Variants in EIF2AK3 observed in about 807,000 individuals in gnomAD.
The protein encoded by EIF2AK3 is eukaryotic translation initiation factor 2 alpha kinase 3.
EIF2AK3 carries 50 observed loss-of-function variants against 113.5 expected under a neutral mutation model. The ratio of observed to expected loss-of-function variants is 0.44; its 90% confidence interval spans 0.35 to 0.56. The LOEUF (loss-of-function observed/expected upper bound fraction) is 0.56. EIF2AK3 is among the 20% of genes least tolerant of loss of function. The probability of loss-of-function intolerance (pLI) is 0.00; values close to 1 mark genes in which losing one functional copy is unlikely to be tolerated. For synonymous variants in EIF2AK3, 448 were observed against 495.4 expected (o/e 0.90, Z 1.27); for missense variants, 1,185 against 1,378.0 (o/e 0.86, Z 2.22).
chr2:88,582,130 G>A (rs11898161), intron 10 of EIF2AK3, among the ~76,000 whole-genome samples: 116,688 of 151,990 alleles, frequency 0.77, 45,925 homozygotes, highest in African/African-American at 0.94. Flanking sequence ...TTTGTCTAAG[G>A]GAGAGGAACA....
chr2:88,590,875 A>G lies in EIF2AK3; in HGVS notation c.945T>C (p.Ala315=), dbSNP rs1365971474. 3 of 1,614,002 alleles carry G rather than the reference A, an allele frequency of 1.9e-6. No homozygotes were observed. Among genetic ancestry groups the G allele is most frequent in the Non-Finnish European group, 2.5e-6 (3 of 1,180,002 alleles). The change falls in exon 5 of 17, where the codon GCT becomes GCC. Residue 315 remains alanine, a synonymous_variant. Transcript: ENST00000303236. The stretch of plus-strand genomic sequence containing the variant: ...TACTGAATGCCATAACTTTCCAGTC[A>G]GCAACCGAAACCTTTATCACTATGT... ...IMDIVIKVSV[A]DWKVMAFSKK...
chr2:88,558,176 G>C (rs1034373472), intron 16 of EIF2AK3, among the ~76,000 whole-genome samples: 2 of 152,136 alleles, frequency 1.3e-5, no homozygotes, highest in African/African-American at 4.8e-5. Flanking sequence ...AAAATAGGTG[G>C]CAGGCTGGAT....
At chr2:88,562,167 C>CT in intron 15 of EIF2AK3, 122 bp downstream of exon 15, 1 of 764,942 alleles carries the variant, frequency 1.3e-6, no homozygotes, top group Non-Finnish European at 2.3e-6. Flanking sequence ...CACATCACCT[C>CT]TTTCACTTTT....
At chr2:88,613,198 T>C (rs1268828378) in intron 2 of EIF2AK3, among the ~76,000 whole-genome samples, 1 of 152,190 alleles carries the variant, frequency 6.6e-6, no homozygotes, top group Non-Finnish European at 1.5e-5. Context: ...ATCTATGCTC[T>C]TTCCCCTCTA....
Position 88,590,433 on chromosome 2 carries a change from A to C in EIF2AK3, c.1165+10T>G. 6.2e-7 allele frequency: 1 copy of C among 1,613,266 alleles called. No individual in the cohort carries two copies. Among genetic ancestry groups the C allele is most frequent in the South Asian group, 1.1e-5 (1 of 91,062 alleles). On this transcript the variant is annotated intron_variant, in intron 6 of 16. Transcript: ENST00000303236. ...TGTGTACTATCGTTAGATAAGATAC[A>C]TTTACTCACCCAAGTAAACACTGTT...
chr2:88,575,091 A>C lies in EIF2AK3; in HGVS notation c.2392T>G (p.Ser798Ala). Residue 798 changes from serine to alanine, a missense_variant, in exon 13 of 17, where the codon TCA becomes GCA. Transcript: ENST00000303236. Reference sequence around the variant, plus strand: ...ATTGAAGAGGAGGTTCTCTCCCTTGACCTTACATAAGGAGAAGCTTCAGAA... The same window carrying C: ...ATTGAAGAGGAGGTTCTCTCCCTTGCCCTTACATAAGGAGAAGCTTCAGAA... Reference protein sequence around the residue: ...CPSEASPYVRSRERTSSSIVF... With the variant: ...CPSEASPYVRARERTSSSIVF... 1.2e-6 allele frequency: 2 copies of C among 1,614,196 alleles called. No individual in the cohort carries two copies. The highest frequency in any genetic ancestry group is 1.7e-6 in the Non-Finnish European group (2 of 1,180,038).
intron 2 of EIF2AK3, 129 bp from the exon 3 acceptor site, chr2:88,595,792 C>T: frequency 1.1e-6 from 1 of 929,934 alleles, no homozygotes. Context: ...AGTCTTGATC[C>T]TGATGTACTC....
At chr2:88,564,609 G>A (rs996219996) in intron 14 of EIF2AK3, among the ~76,000 whole-genome samples, 3 of 152,114 alleles carry the variant, frequency 2.0e-5, no homozygotes, top group Non-Finnish European at 1.5e-5. Flanking sequence ...GCACAGAAGT[G>A]TGTATGGGGT....
intron 2 of EIF2AK3, 39 bp downstream of exon 2, chr2:88,613,685 A>G: frequency 6.2e-7 from 1 of 1,612,766 alleles, no homozygotes. Context: ...ACTCATTAGA[A>G]TTAAGTTTTC....
intron 12 of EIF2AK3, chr2:88,575,723 C>T (rs376789090): frequency 2.2e-6 from 1 of 445,294 alleles, no homozygotes; most frequent in African/African-American, 2.0e-5. Context: ...GCCTTTTATG[C>T]AAAGTGAGGA....
chr2:88,573,549 A>C, intron 13 of EIF2AK3, among the ~76,000 whole-genome samples: 1 of 152,284 alleles, frequency 6.6e-6, no homozygotes, highest in East Asian at 1.9e-4. Context: ...AATCCAACCA[A>C]ATAATTCATC....
intron 6 of EIF2AK3, among the ~76,000 whole-genome samples, 178 bp from the exon 7 acceptor site, chr2:88,589,079 G>C (rs1022251400): frequency 6.6e-6 from 1 of 152,086 alleles, no homozygotes; most frequent in Non-Finnish European, 1.5e-5. Context: ...AAAACAGGGA[G>C]GGAAAGTTAC....
intron 1 of EIF2AK3, among the ~76,000 whole-genome samples, chr2:88,624,185 G>A (rs572538753): frequency 3.3e-5 from 5 of 152,198 alleles, no homozygotes; most frequent in Admixed American, 3.3e-4. Context: ...TAGAGATGGG[G>A]TTTCATCATG....
At chr2:88,596,574 G>A (rs1269305693) in intron 2 of EIF2AK3, among the ~76,000 whole-genome samples, 1 of 152,124 alleles carries the variant, frequency 6.6e-6, no homozygotes, top group Non-Finnish European at 1.5e-5. Flanking sequence ...AGAAAGTAAC[G>A]TTTGGGCAAA....
At chr2:88,602,865 C>G (rs192136632) in intron 2 of EIF2AK3, among the ~76,000 whole-genome samples, 4 of 151,844 alleles carry the variant, frequency 2.6e-5, no homozygotes, top group African/African-American at 7.2e-5. Flanking sequence ...GGTTTAAAAC[C>G]TAGATGATGG....
intron 8 of EIF2AK3, 50 bp from the exon 9 acceptor site, chr2:88,586,111 G>C: frequency 7.0e-7 from 1 of 1,434,744 alleles, no homozygotes; most frequent in Non-Finnish European, 9.8e-7. Context: ...TCAAAAATAG[G>C]CCCGTCTTTA....
chr2:88,627,006 G>C lies in EIF2AK3; in HGVS notation c.269C>G (p.Pro90Arg), dbSNP rs1249747845. ...CAACTCTGTCTCATCGTCTGGTTCC[G>C]GACCCCGAGGCTCCTGCTCTCCCGC... ...AAAGEQEPRG[P>R]EPDDETELRP... Residue 90 changes from proline (P) to arginine (R), a missense_variant, in exon 1 of 17, where the codon CCG (proline) becomes CGG (arginine). This residue lies in a region of EIF2AK3 where 189 missense variants were observed against 175.2 expected (regional missense o/e 1.08). Coordinates refer to ENST00000303236, the MANE Select transcript of EIF2AK3 (RefSeq NM_004836.7). The C allele has an allele frequency of 1.9e-6, 3 of 1,608,426 alleles. 1 individual carries two copies. In the Admixed American group the frequency reaches 5.0e-5, roughly 27 times the overall value.
intron 15 of EIF2AK3, 110 bp downstream of exon 15, chr2:88,562,179 G>A (rs1221295619): frequency 2.4e-6 from 2 of 837,384 alleles, no homozygotes; most frequent in East Asian, 2.6e-5. Context: ...TTCACTTTTA[G>A]TTAACCAATC....
chr2:88,599,253 C>T (rs973290142), intron 2 of EIF2AK3, among the ~76,000 whole-genome samples: 8 of 152,112 alleles, frequency 5.3e-5, no homozygotes, highest in Non-Finnish European at 1.5e-5. Context: ...TCAAGTGACA[C>T]TGGTATATAC....
Sources: gnomAD v4.1 joint callset for allele counts (sites outside exome capture counted in the v4.1 genomes callset) on GRCh38, gnomAD v4.1.1 for gene constraint, gnomAD v4.1.1 regional missense constraint, MANE v1.5 for transcripts, NCBI Gene and HGNC (gene_info 2026-07-23, HGNC 2026-07-21) for gene names.